NWD2: variants seen among roughly 807,000 people sequenced by gnomAD.
NWD2 encodes the protein NACHT and WD repeat domain-containing protein 2.
Under a neutral mutation model 132.7 loss-of-function variants are expected in NWD2, and 37 were observed. The ratio of observed to expected loss-of-function variants is 0.28; its 90% CI spans 0.21 to 0.37. NWD2 has a LOEUF of 0.37. Ranked by LOEUF, NWD2 falls within the 10% of genes least tolerant of loss-of-function variation. The probability of loss-of-function intolerance (pLI) is 1.00; values close to 1 mark genes in which losing one functional copy is unlikely to be tolerated. For missense variants in NWD2, 1,592 were observed against 2,122.4 expected, an observed-to-expected ratio of 0.75 and a Z score of 4.91; for synonymous variants, 705 against 803.0, an observed-to-expected ratio of 0.88 and a Z score of 2.06.
chr4:37,404,615 C>T (rs1279086988), intron 3 of NWD2, among the ~76,000 whole-genome samples: 2 of 152,168 alleles, frequency 1.3e-5, no homozygotes. Context: ...TCAGGAAGGG[C>T]AATGTATTAG....
rs1296440893 is a variant in NWD2 at position 37,444,444 on chromosome 4, G to A, written c.2456G>A (p.Cys819Tyr). The change falls in exon 7 of 7, where the codon TGT (cysteine) becomes TAT (tyrosine). Residue 819 changes from cysteine to tyrosine, a missense_variant. Coordinates refer to ENST00000309447, the MANE Select transcript of NWD2 (RefSeq NM_001144990.2). The surrounding 1 kb of genome is among the most constrained non-coding windows in gnomAD (Gnocchi z 4.8). ...CCAGACCAGCCCTGGGTTTTCCAGT[G>A]TAATCCCCTGGAACCTGACATCTTT... Reference protein sequence around the residue: ...QAPDQPWVFQCNPLEPDIFFV... With the variant: ...QAPDQPWVFQYNPLEPDIFFV... The A allele has an allele frequency of 4.5e-6, 7 of 1,551,932 alleles. No homozygotes were observed. The South Asian group carries it at 8.3e-5, about 18-fold the overall frequency.
intron 1 of NWD2, among the ~76,000 whole-genome samples, chr4:37,304,043 A>G (rs1718659093): frequency 6.6e-6 from 1 of 152,152 alleles, no homozygotes; most frequent in African/African-American, 2.4e-5. Context: ...ACTACCTGAG[A>G]CTGGGTAATT....
At chr4:37,350,436 T>A (rs1014999500) in intron 2 of NWD2, among the ~76,000 whole-genome samples, 3 of 152,228 alleles carry the variant, frequency 2.0e-5, no homozygotes, top group Non-Finnish European at 2.9e-5. Context: ...TTTTATTCTC[T>A]TAGTAGCTAT....
chr4:37,255,079 C>G (rs781355014), intron 1 of NWD2, among the ~76,000 whole-genome samples: 72 of 152,288 alleles, frequency 4.7e-4, no homozygotes, highest in Non-Finnish European at 7.8e-4. Context: ...TGTGCACTAG[C>G]AAACACCTAA....
intron 1 of NWD2, among the ~76,000 whole-genome samples, chr4:37,293,873 G>A (rs4832727): frequency 0.76 from 115,232 of 150,948 alleles, 44,463 homozygotes; most frequent in Non-Finnish European, 0.82. Flanking sequence ...TAAGCCCAGG[G>A]CACACTGCAT....
chr4:37,404,618 T>C (rs1030682714), intron 3 of NWD2, among the ~76,000 whole-genome samples: 2 of 152,190 alleles, frequency 1.3e-5, no homozygotes, highest in Admixed American at 6.5e-5. Context: ...GGAAGGGCAA[T>C]GTATTAGTCA....
intron 4 of NWD2, 21 bp from the exon 5 acceptor site, chr4:37,433,855 C>T: frequency 6.7e-7 from 1 of 1,497,134 alleles, no homozygotes; most frequent in Non-Finnish European, 8.9e-7. Context: ...AGACTAATTT[C>T]TCCCTTTTAC....
At chr4:37,394,005 AT>A (rs1720730104) in intron 3 of NWD2, among the ~76,000 whole-genome samples, 1 of 152,238 alleles carries the variant, frequency 6.6e-6, no homozygotes, top group Non-Finnish European at 1.5e-5. Flanking sequence ...AAGATGGAAA[AT>A]TAATTGGGGA....
chr4:37,346,496 GT>G (rs1357800284), intron 2 of NWD2, among the ~76,000 whole-genome samples: 3 of 152,032 alleles, frequency 2.0e-5, no homozygotes, highest in Non-Finnish European at 4.4e-5. Flanking sequence ...GTCATCTTGG[GT>G]TTTTTGAATT....
intron 1 of NWD2, among the ~76,000 whole-genome samples, chr4:37,277,153 C>G (rs1718037529): frequency 6.6e-6 from 1 of 151,158 alleles, no homozygotes; most frequent in Non-Finnish European, 1.5e-5. Flanking sequence ...AAAAGTCAGC[C>G]ATTAATTGTA....
At chr4:37,433,049 C>T (rs913578898) in intron 4 of NWD2, among the ~76,000 whole-genome samples, 16 of 152,172 alleles carry the variant, frequency 1.1e-4, no homozygotes, top group African/African-American at 3.6e-4. Flanking sequence ...TCCAACATAA[C>T]ACATTTTCTC....
Position 37,394,698 on chromosome 4 carries a change from G to A in NWD2, c.358-35874G>A, listed in dbSNP as rs1019321645. Reference sequence around the variant, plus strand: ...CTTACTAACTAGTGTTTGCAGTAGAGACGTATCCACGTATATAGGAAATTT... The same window carrying A: ...CTTACTAACTAGTGTTTGCAGTAGAAACGTATCCACGTATATAGGAAATTT... On this transcript the variant is annotated intron_variant, in intron 3 of 6. Transcript: ENST00000309447. Among the ~76,000 whole-genome samples, 8 of 150,418 alleles carry A rather than the reference G, an allele frequency of 5.3e-5. No homozygotes were observed. The East Asian group carries it at 1.4e-3, about 26-fold the overall frequency.
At chr4:37,335,304 G>A (rs1017137008) in intron 2 of NWD2, among the ~76,000 whole-genome samples, 2 of 115,888 alleles carry the variant, frequency 1.7e-5, no homozygotes, top group Non-Finnish European at 3.5e-5. Flanking sequence ...GGTGGGCGGG[G>A]GGGGGGGGCT....
intron 1 of NWD2, among the ~76,000 whole-genome samples, chr4:37,291,240 G>A (rs927026899): frequency 2.5e-5 from 3 of 119,232 alleles, no homozygotes; most frequent in Non-Finnish European, 6.1e-5. Context: ...GTAATAAAAC[G>A]ACTAAGTAGC....
intron 3 of NWD2, among the ~76,000 whole-genome samples, chr4:37,358,623 C>G (rs191300524): frequency 6.6e-6 from 1 of 152,212 alleles, no homozygotes; most frequent in East Asian, 1.9e-4. Flanking sequence ...AGTTGCTCCA[C>G]TATTCTAAGC....
At chr4:37,272,781 G>T (rs1300900172) in intron 1 of NWD2, among the ~76,000 whole-genome samples, 1 of 151,472 alleles carries the variant, frequency 6.6e-6, no homozygotes, top group South Asian at 2.1e-4. Context: ...CTTGTTTCCT[G>T]CATTCTACTT....
intron 3 of NWD2, among the ~76,000 whole-genome samples, chr4:37,399,107 G>T (rs1212357971): frequency 5.3e-5 from 8 of 152,202 alleles, no homozygotes; most frequent in Non-Finnish European, 1.2e-4. Context: ...ATGGCGGCTT[G>T]TGTCTTTAGT....
chr4:37,245,161 T>A lies in NWD2; in HGVS notation c.94T>A (p.Ser32Thr), dbSNP rs933192889. The A allele has an allele frequency of 3.4e-5, 52 of 1,546,038 alleles. No individual in the cohort carries two copies. Among genetic ancestry groups the A allele is most frequent in the Non-Finnish European group, 4.4e-5 (50 of 1,146,212 alleles). The change falls in exon 1 of 7, where the codon TCT becomes ACT. Residue 32 changes from serine to threonine, a missense_variant. Physicochemically the swap from Ser to Thr is moderately conservative, Grantham distance 58 (BLOSUM62 1). Coordinates refer to ENST00000309447, the MANE Select transcript of NWD2 (RefSeq NM_001144990.2). ...AFSGNLTALP[S>T]HLVPAGRSVR... ...CTCTGGGAACCTCACGGCCCTGCCCTCTCACCTCGTGCCCGCCGGCCGCAG... is the reference window on the plus strand; with the variant it reads ...CTCTGGGAACCTCACGGCCCTGCCCACTCACCTCGTGCCCGCCGGCCGCAG...
At chr4:37,348,158 T>C (rs1719674417) in intron 2 of NWD2, among the ~76,000 whole-genome samples, 1 of 152,184 alleles carries the variant, frequency 6.6e-6, no homozygotes, top group African/African-American at 2.4e-5. Flanking sequence ...TGTGTGATGC[T>C]CTGGTCTCAA....
Sources: allele counts gnomAD v4.1 joint callset (sites outside exome capture counted in the v4.1 genomes callset), GRCh38; gene constraint gnomAD v4.1.1; non-coding constraint Gnocchi (gnomAD v3.1); transcripts MANE v1.5; gene names NCBI Gene and HGNC (gene_info 2026-07-23, HGNC 2026-07-21).